The following HDDC2 variants were observed in gnomAD, a reference collection of about 807,000 sequenced individuals.
The protein encoded by HDDC2 is HD domain containing 2.
In HDDC2, 25 loss-of-function variants were observed where a neutral mutation model predicts 25.5. The observed-to-expected ratio is 0.98, with a 90% CI of 0.72 to 1.37. The LOEUF is 1.37. Ranked by LOEUF, HDDC2 falls within the 40% of genes most tolerant of loss-of-function variation. The pLI, the probability that HDDC2 is intolerant of heterozygous loss-of-function variation, is 0.00. For synonymous variants in HDDC2, 106 were observed against 89.7 expected, an observed-to-expected ratio of 1.18 and a Z score of -1.03; for missense variants, 264 against 253.1, an observed-to-expected ratio of 1.04 and a Z score of -0.29.
Position 125,275,736 on chromosome 6 carries a change from G to T in HDDC2, c.*410C>A. 1 of 168,700 alleles carries T rather than the reference G, an allele frequency of 5.9e-6. No homozygotes were observed. Among genetic ancestry groups the T allele is most frequent in the East Asian group, 1.8e-4 (1 of 5,592 alleles). The allele number at this position is 168,700 out of a possible 1,614,324, so 10.5% of individuals were successfully genotyped here. A position where few individuals can be genotyped will look rare whatever the true frequency, so the allele number is the denominator to read the frequency against. On this transcript the variant is annotated 3_prime_UTR_variant, in exon 6 of 6. Coordinates refer to ENST00000398153, the MANE Select transcript of HDDC2 (RefSeq NM_016063.3). ...CATCACTAGTACATTTTCTTTTCTGGATTCTTATCACTAAATCAGCTGAAG... is the reference window on the plus strand; with the variant it reads ...CATCACTAGTACATTTTCTTTTCTGTATTCTTATCACTAAATCAGCTGAAG...
In HDDC2 at chr6:125,301,484, A is replaced by G. The variant is rs979552367; in HGVS notation, c.84+365T>C. 3.2e-4 allele frequency among the ~76,000 whole-genome samples: 42 copies of G among 132,876 alleles called. 1 individual carries two copies. The highest frequency in any genetic ancestry group is 1.0e-3 in the African/African-American group (35 of 34,398). 87.2% of individuals were successfully genotyped at this position (132,876 alleles called of 152,430 possible). A position where few individuals can be genotyped will look rare whatever the true frequency, so the allele number is the denominator to read the frequency against. On this transcript the variant is annotated intron_variant, in intron 1 of 5. Transcript: ENST00000398153. ...ACACACGAGTTCTGGGGTCGTGAGC[A>G]CACACACACACACACACACACACGA...
chr6:125,292,806 C>G, intron 4 of HDDC2, 35 bp downstream of exon 4: 3 of 1,507,524 alleles, frequency 2.0e-6, no homozygotes, highest in Non-Finnish European at 2.8e-6. Context: ...AATTCAGATA[C>G]AAATTAAAAA....
intron 4 of HDDC2, 99 bp from the exon 5 acceptor site, chr6:125,277,339 C>T: frequency 9.0e-7 from 1 of 1,115,372 alleles, no homozygotes; most frequent in South Asian, 1.4e-5. Flanking sequence ...GTGACAGCTA[C>T]AAGTACATTC....
rs796473024 is a variant in HDDC2, at chr6:125,277,351, G to C, written c.379-111C>G. The C allele has an allele frequency of 1.0e-5, 10 of 982,052 alleles. No homozygotes were observed. In the African/African-American group the frequency reaches 1.6e-4, roughly 16 times the overall value. 60.8% of individuals were successfully genotyped at this position (982,052 alleles called of 1,614,324 possible). On this transcript the variant is annotated intron_variant, in intron 4 of 5. Transcript: ENST00000398153. ...AGAGTGACAGCTACAAGTACATTCTGTATCGGCCCCATTTCTCTACTGTTT... is the reference window on the plus strand; with the variant it reads ...AGAGTGACAGCTACAAGTACATTCTCTATCGGCCCCATTTCTCTACTGTTT...
chr6:125,291,317 C>T (rs1001970825), intron 4 of HDDC2, among the ~76,000 whole-genome samples: 3 of 152,162 alleles, frequency 2.0e-5, no homozygotes, highest in African/African-American at 4.8e-5. Context: ...GATTATTCAA[C>T]GAGATAGGTA....
intron 4 of HDDC2, among the ~76,000 whole-genome samples, chr6:125,289,476 T>A (rs1484253806): frequency 3.7e-5 from 4 of 106,756 alleles, no homozygotes; most frequent in African/African-American, 1.3e-4. Context: ...AAACTTAGAG[T>A]ATAATAAAAA....
chr6:125,284,412 C>T (rs1362908744), intron 4 of HDDC2, among the ~76,000 whole-genome samples: 10 of 152,108 alleles, frequency 6.6e-5, no homozygotes, highest in African/African-American at 4.8e-5. Context: ...GCAATCTATC[C>T]ATCTGACAAA....
intron 4 of HDDC2, among the ~76,000 whole-genome samples, chr6:125,279,695 G>A (rs1490881015): frequency 6.6e-6 from 1 of 152,060 alleles, no homozygotes; most frequent in African/African-American, 2.4e-5. Context: ...AGAGCAATTT[G>A]AACTAAATTT....
At chr6:125,289,361 T>A in intron 4 of HDDC2, among the ~76,000 whole-genome samples, 1 of 121,236 alleles carries the variant, frequency 8.2e-6, no homozygotes, top group African/African-American at 3.4e-5. Context: ...GGGATAGCAT[T>A]GGGAGATATA....
At position 125,300,444 on chromosome 6, in the gene HDDC2, C is replaced by T. The variant is rs545075437; in HGVS notation, c.206+94G>A. On this transcript the variant is annotated intron_variant, in intron 2 of 5. Transcript: ENST00000398153. ...TAATTTTTCTTGACCTATAAACTAACCTACAAGGATTTGACATGGGTCTCA... is the reference window on the plus strand; with the variant it reads ...TAATTTTTCTTGACCTATAAACTAATCTACAAGGATTTGACATGGGTCTCA... 23 of 1,444,696 alleles carry T rather than the reference C, an allele frequency of 1.6e-5. No individual in the cohort carries two copies. The African/African-American group carries it at 3.1e-4, about 20-fold the overall frequency. 89.5% of individuals were successfully genotyped at this position (1,444,696 alleles called of 1,614,324 possible).
chr6:125,291,188 G>C (rs971204945), intron 4 of HDDC2, among the ~76,000 whole-genome samples: 5 of 152,116 alleles, frequency 3.3e-5, no homozygotes, highest in Non-Finnish European at 7.4e-5. Context: ...TCATTTGAAA[G>C]TATATACTTT....
chr6:125,292,673 A>G (rs1489841045), intron 4 of HDDC2, among the ~76,000 whole-genome samples, 168 bp downstream of exon 4: 1 of 152,158 alleles, frequency 6.6e-6, no homozygotes, highest in Admixed American at 6.6e-5. Flanking sequence ...CAAAATTTCT[A>G]TCCATCAGGA....
At chr6:125,291,667 T>G (rs1371108238) in intron 4 of HDDC2, among the ~76,000 whole-genome samples, 1 of 152,170 alleles carries the variant, frequency 6.6e-6, no homozygotes, top group Non-Finnish European at 1.5e-5. Flanking sequence ...CCTGTATGAT[T>G]CTCATTTTCT....
chr6:125,299,783 TGA>T (rs1191071147), intron 2 of HDDC2, among the ~76,000 whole-genome samples: 1 of 152,198 alleles, frequency 6.6e-6, no homozygotes, highest in Non-Finnish European at 1.5e-5. Flanking sequence ...GCAGTCAAGT[TGA>T]TTAATTTCTC....
Position 125,292,920 on chromosome 6 carries a change from A to G in HDDC2, c.310-11T>C, listed in dbSNP as rs1168014472. The G allele has an allele frequency of 6.3e-7, 1 of 1,594,144 alleles. No individual in the cohort carries two copies. The highest frequency in any genetic ancestry group is 8.6e-7 in the Non-Finnish European group (1 of 1,162,048). On this transcript the variant is annotated splice_polypyrimidine_tract_variant and intron_variant, in intron 3 of 5. Transcript: ENST00000398153. ...CTGCTTCATAGCTTCCTGAAATATT[A>G]AACCATTATCTTTAATTATATTGAC...
chr6:125,276,159 T>G lies in HDDC2; in HGVS notation c.602A>C (p.Glu201Ala), dbSNP rs763600991. The G allele has an allele frequency of 1.2e-5, 19 of 1,611,866 alleles. No homozygotes were observed. The highest frequency in any genetic ancestry group is 1.2e-5 in the Non-Finnish European group (14 of 1,178,016). Residue 201 changes from glutamate to alanine, a missense_variant, in exon 6 of 6, where the codon GAG (glutamate) becomes GCG (alanine). Physicochemically the swap from Glu to Ala is moderately radical, Grantham distance 107. Coordinates refer to ENST00000398153, the MANE Select transcript of HDDC2 (RefSeq NM_016063.3). ...TTAGAGAGTGTCTCAGGAGTGTGGC[T>G]CACTGGCAGCTGCAGCTATGTTAGT... ...RSTNIAAAAS[E>A]PHS
intron 4 of HDDC2, among the ~76,000 whole-genome samples, chr6:125,285,411 G>A (rs937918265): frequency 1.2e-4 from 19 of 152,124 alleles, no homozygotes; most frequent in African/African-American, 9.6e-5. Flanking sequence ...AATAAGGAAC[G>A]CAAGGGTACA....
At chr6:125,282,044 C>A (rs187819281) in intron 4 of HDDC2, among the ~76,000 whole-genome samples, 40 of 152,140 alleles carry the variant, frequency 2.6e-4, no homozygotes, top group Non-Finnish European at 4.7e-4. Flanking sequence ...GGGGCCAATA[C>A]TCAACATTCT....
Position 125,298,742 on chromosome 6 carries a change from G to C in HDDC2, c.281C>G (p.Pro94Arg). ...VGDIAPADNIPKEEKHRREEE... is the reference protein window; with the variant it reads ...VGDIAPADNIRKEEKHRREEE... ...TTCTCGCCTATGTTTTTCTTCTTTG[G>C]GGATGTTATCTGCTGGTGCTATGTC... The change falls in exon 3 of 6, where the codon CCC becomes CGC. Residue 94 changes from proline (P) to arginine (R), a missense_variant. Pro to Arg is a moderately radical substitution (Grantham distance 103). Coordinates refer to ENST00000398153, the MANE Select transcript of HDDC2 (RefSeq NM_016063.3). 1 of 1,613,934 alleles carries C rather than the reference G, an allele frequency of 6.2e-7. No homozygotes were observed. The highest frequency in any genetic ancestry group is 8.5e-7 in the Non-Finnish European group (1 of 1,179,964).
Sources: allele counts gnomAD v4.1 joint callset (sites outside exome capture counted in the v4.1 genomes callset), GRCh38; gene constraint gnomAD v4.1.1; transcripts MANE v1.5; gene names NCBI Gene and HGNC (gene_info 2026-07-23, HGNC 2026-07-21).